The following ANKRD30A variants were observed in gnomAD, a reference collection of about 807,000 sequenced individuals.
ANKRD30A encodes ankyrin repeat domain-containing protein 30A.
ANKRD30A carries 170 observed loss-of-function variants against 166.3 expected under a neutral mutation model. That is an observed-to-expected ratio of 1.02 (90% confidence interval 0.90 to 1.16). The LOEUF (loss-of-function observed/expected upper bound fraction) is 1.16, where lower values mean the gene tolerates loss of function less well. ANKRD30A is among the 50% of genes most tolerant of loss of function. ANKRD30A has a pLI of 0.00. For missense variants in ANKRD30A, 1,630 were observed against 1,518.0 expected (o/e 1.07, Z -1.23); for synonymous variants, 564 against 508.9 (o/e 1.11, Z -1.46).
Position 37,162,485 on chromosome 10 carries a change from G to C in ANKRD30A, c.1901-164G>C, listed in dbSNP as rs527864952. Among the ~76,000 whole-genome samples, 5 of 152,142 alleles carry C rather than the reference G, an allele frequency of 3.3e-5. No homozygotes were observed. In the South Asian group the frequency reaches 8.3e-4, roughly 25 times the overall value. ...TTTATATTTTCTTCAGTGTATTCTT[G>C]TCGTGTGTGTGTCCTAAACAAACCA... On this transcript the variant is annotated intron_variant, in intron 15 of 35. Transcript: ENST00000361713.
chr10:37,194,089 T>A (rs1434796798), intron 27 of ANKRD30A, among the ~76,000 whole-genome samples: 1 of 151,246 alleles, frequency 6.6e-6, no homozygotes, highest in Non-Finnish European at 1.5e-5. Context: ...TCAGCTACTC[T>A]GGAGGCTGAG....
chr10:37,205,337 A>T (rs1841920007), intron 31 of ANKRD30A, among the ~76,000 whole-genome samples: 1 of 152,000 alleles, frequency 6.6e-6, no homozygotes, highest in South Asian at 2.1e-4. Flanking sequence ...TTCTGAGCAA[A>T]CTATCGCAAG....
chr10:37,191,482 A>G (rs11011059), intron 25 of ANKRD30A, among the ~76,000 whole-genome samples: 91 of 152,000 alleles, frequency 6.0e-4, no homozygotes, highest in Non-Finnish European at 1.2e-3. Context: ...TGCCTTAAAG[A>G]CACATGGTGT....
At chr10:37,240,816 T>C in the ANKRD30A span, 6 of 152,296 alleles carry the variant, frequency 3.9e-5, no homozygotes, top group South Asian at 6.2e-4. Flanking sequence ...TGTCATGATA[T>C]CTATTACTTT....
chr10:37,201,953 A>G (rs1051389363), intron 31 of ANKRD30A, among the ~76,000 whole-genome samples: 3 of 152,048 alleles, frequency 2.0e-5, no homozygotes, highest in Non-Finnish European at 4.4e-5. Context: ...TTCATAGAAA[A>G]TCAGCGGGAA....
At position 37,133,857 on chromosome 10, in the gene ANKRD30A, C is replaced by G. The variant is rs920631375; in HGVS notation, c.618-59C>G. 8 of 1,572,318 alleles carry G rather than the reference C, an allele frequency of 5.1e-6. No homozygotes were observed. In the Admixed American group the frequency reaches 6.9e-5, roughly 14 times the overall value. On this transcript the variant is annotated intron_variant, in intron 4 of 35. Coordinates refer to ENST00000361713, the MANE Select transcript of ANKRD30A (RefSeq NM_052997.3). ...ATGTAAATGGTTAATTCTACAATGA[C>G]AGGCACATATTAAATTGGTTCTGCT...
intron 19 of ANKRD30A, among the ~76,000 whole-genome samples, chr10:37,167,533 C>G (rs1243946130): frequency 6.6e-6 from 1 of 151,578 alleles, no homozygotes; most frequent in South Asian, 2.1e-4. Context: ...AGGTATTTTA[C>G]TGATTTTAAC....
chr10:37,249,837 A>G, the ANKRD30A span, among the ~76,000 whole-genome samples: 2 of 152,246 alleles, frequency 1.3e-5, no homozygotes, highest in Non-Finnish European at 2.9e-5. Flanking sequence ...TGAAGGGTCA[A>G]TATAGAATTT....
chr10:37,155,323 A>G (rs1838284846), intron 13 of ANKRD30A, among the ~76,000 whole-genome samples: 1 of 152,220 alleles, frequency 6.6e-6, no homozygotes, highest in South Asian at 2.1e-4. Flanking sequence ...GGAAATTACA[A>G]AAATGTTGGC....
chr10:37,138,957 T>C (rs1173758165), intron 6 of ANKRD30A, among the ~76,000 whole-genome samples: 1 of 151,800 alleles, frequency 6.6e-6, no homozygotes, highest in African/African-American at 2.4e-5. Context: ...GAGGAAAAAA[T>C]GTCAAGGGCA....
intron 17 of ANKRD30A, 96 bp downstream of exon 17, chr10:37,162,944 G>A (rs1434924179): frequency 6.9e-6 from 10 of 1,455,614 alleles, no homozygotes; most frequent in Non-Finnish European, 7.5e-6. Context: ...TTTCAACTTT[G>A]ATGAAAAGAT....
intron 27 of ANKRD30A, among the ~76,000 whole-genome samples, chr10:37,196,893 C>T (rs1393060040): frequency 6.6e-6 from 1 of 152,158 alleles, no homozygotes; most frequent in South Asian, 2.1e-4. Context: ...TCATCATAAC[C>T]ATGTACCTTT....
intron 6 of ANKRD30A, 53 bp from the exon 7 acceptor site, chr10:37,141,665 A>C: frequency 6.3e-7 from 1 of 1,596,390 alleles, no homozygotes; most frequent in Non-Finnish European, 8.5e-7. Context: ...GTGAAGAGTC[A>C]GGAGGATGAT....
At chr10:37,130,179 A>T (rs1836294569) in intron 2 of ANKRD30A, 26 bp from the exon 3 acceptor site, 1 of 1,495,444 alleles carries the variant, frequency 6.7e-7, no homozygotes. Context: ...TACAGTTTAC[A>T]ATAATTCTTG....
At chr10:37,201,007 C>A (rs1362950931) in intron 30 of ANKRD30A, among the ~76,000 whole-genome samples, 2 of 151,890 alleles carry the variant, frequency 1.3e-5, no homozygotes, top group African/African-American at 4.8e-5. Flanking sequence ...GTTTTTCCTG[C>A]TCAGTCACCG....
the ANKRD30A span, among the ~76,000 whole-genome samples, chr10:37,252,845 C>T: frequency 6.6e-6 from 1 of 151,998 alleles, no homozygotes; most frequent in Non-Finnish European, 1.5e-5. Context: ...TATATAAGTG[C>T]TTATATAAGA....
At chr10:37,138,801 T>C (rs549603254) in intron 6 of ANKRD30A, among the ~76,000 whole-genome samples, 12 of 152,068 alleles carry the variant, frequency 7.9e-5, no homozygotes, top group Admixed American at 1.3e-4. Context: ...GGAAAACACT[T>C]TGCAGGATAT....
the ANKRD30A span, among the ~76,000 whole-genome samples, chr10:37,254,208 A>G: frequency 2.0e-5 from 3 of 152,166 alleles, no homozygotes; most frequent in African/African-American, 7.2e-5. Context: ...TCATTCATAA[A>G]TTTCATTTCT....
intron 12 of ANKRD30A, among the ~76,000 whole-genome samples, chr10:37,152,367 G>T (rs1184549234): frequency 6.6e-6 from 1 of 152,074 alleles, no homozygotes; most frequent in Non-Finnish European, 1.5e-5. Flanking sequence ...CTAAGGCTTA[G>T]AATTCACTAG....
Sources: allele counts gnomAD v4.1 joint callset (sites outside exome capture counted in the v4.1 genomes callset), GRCh38; gene constraint gnomAD v4.1.1; transcripts MANE v1.5; gene names NCBI Gene and HGNC (gene_info 2026-07-23, HGNC 2026-07-21).